Variants in PIP5K1C observed in about 807,000 individuals in gnomAD.
PIP5K1C encodes phosphatidylinositol-4-phosphate 5-kinase type 1 gamma, also known as phosphatidylinositol 4-phosphate 5-kinase type-1 gamma.
In PIP5K1C, 45 loss-of-function variants were observed where a neutral mutation model predicts 80.1. The ratio of observed to expected loss-of-function variants is 0.56; its 90% CI spans 0.44 to 0.72. The LOEUF is 0.72. Among genes scored for constraint, PIP5K1C ranks in the 30% least tolerant of loss-of-function variants. The probability of loss-of-function intolerance (pLI) is 0.00; values close to 1 mark genes in which losing one functional copy is unlikely to be tolerated. For missense variants in PIP5K1C, 753 were observed against 954.6 expected (o/e 0.79, Z 2.78); for synonymous variants, 498 against 420.1 (o/e 1.19, Z -2.27).
intron 1 of PIP5K1C, among the ~76,000 whole-genome samples, chr19:3,697,431 C>T (rs1049860362): frequency 9.3e-5 from 14 of 150,280 alleles, no homozygotes; most frequent in Non-Finnish European, 1.9e-4. Context: ...CGGAGGAGGA[C>T]CGAGCTGTAC....
At position 3,688,091 on chromosome 19, in the gene PIP5K1C, G is replaced by A. The variant is rs1428018904; in HGVS notation, c.94+12206C>T. 3.3e-5 allele frequency among the ~76,000 whole-genome samples: 5 copies of A among 152,152 alleles called. No homozygotes were observed. Among genetic ancestry groups the A allele is most frequent in the Admixed American group, 6.5e-5 (1 of 15,288 alleles). On this transcript the variant is annotated intron_variant, in intron 1 of 17. Coordinates refer to ENST00000335312, the MANE Select transcript of PIP5K1C (RefSeq NM_012398.3). The surrounding 1 kb of genome is among the most constrained non-coding windows in gnomAD (Gnocchi z 5.3). ...ACACGCCAGCCCCTGGGGGAAGCCC[G>A]GCCCGTGCGGGCTGCGGGAGATCCT...
intron 13 of PIP5K1C, 39 bp downstream of exon 13, chr19:3,643,204 G>T (rs369900954): frequency 3.1e-6 from 5 of 1,609,192 alleles, no homozygotes; most frequent in African/African-American, 1.3e-5. Flanking sequence ...CACGCACAGC[G>T]GATGCCCCGC....
chr19:3,682,136 G>A (rs1176481358), intron 1 of PIP5K1C, among the ~76,000 whole-genome samples: 1 of 152,096 alleles, frequency 6.6e-6, no homozygotes, highest in Non-Finnish European at 1.5e-5. Context: ...CACTTTGGGA[G>A]GCTGAGGCGG....
intron 1 of PIP5K1C, among the ~76,000 whole-genome samples, chr19:3,680,120 G>C (rs1370451640): frequency 6.6e-6 from 1 of 152,214 alleles, no homozygotes; most frequent in Non-Finnish European, 1.5e-5. Flanking sequence ...TTACCCTGAA[G>C]ATGCACTCTC....
At chr19:3,661,607 C>T (rs911660420) in intron 4 of PIP5K1C, among the ~76,000 whole-genome samples, 5 of 152,278 alleles carry the variant, frequency 3.3e-5, no homozygotes, top group African/African-American at 7.2e-5. Flanking sequence ...ACCAGCCCTG[C>T]ACTGCCCACT....
intron 1 of PIP5K1C, among the ~76,000 whole-genome samples, chr19:3,697,191 G>A (rs2036143987): frequency 1.3e-5 from 2 of 151,632 alleles, no homozygotes; most frequent in African/African-American, 2.4e-5. Context: ...GGACTGGGGA[G>A]GACTGAGCCG....
At chr19:3,680,317 T>C (rs908855044) in intron 1 of PIP5K1C, among the ~76,000 whole-genome samples, 2 of 152,356 alleles carry the variant, frequency 1.3e-5, no homozygotes, top group Middle Eastern at 3.4e-3. Flanking sequence ...TTTTCTTTTT[T>C]CTTTTGAGAC....
At position 3,659,124 on chromosome 19, in the gene PIP5K1C, C is replaced by T. The variant is rs368436477; in HGVS notation, c.468+1842G>A. On this transcript the variant is annotated intron_variant, in intron 5 of 17. Transcript: ENST00000335312. ...CTCAGCTGTCCAATCAGAGAAGCAC[C>T]GGCAACCTCGAGTCCCCTCCGAACC... Among the ~76,000 whole-genome samples, 7 of 152,178 alleles carry T rather than the reference C, an allele frequency of 4.6e-5. No homozygotes were observed. The South Asian group carries it at 6.2e-4, about 13-fold the overall frequency.
chr19:3,651,708 ACCCACGCATG>A, intron 8 of PIP5K1C, 108 bp downstream of exon 8: 3 of 1,011,550 alleles, frequency 3.0e-6, no homozygotes, highest in Non-Finnish European at 4.6e-6. Context: ...TCTGTCTGTC[ACCCACGCATG>A]CCCTCGCCAG....
chr19:3,638,793 AGGTGTGTGTATGC>A, intron 16 of PIP5K1C, 78 bp downstream of exon 16: 1 of 1,528,234 alleles, frequency 6.5e-7, no homozygotes, highest in Non-Finnish European at 9.0e-7. Context: ...GCCTGTGTGC[AGGTGTGTGTATGC>A]GGTGTGCACA....
At chr19:3,658,685 C>T (rs2034723956) in intron 5 of PIP5K1C, among the ~76,000 whole-genome samples, 1 of 152,186 alleles carries the variant, frequency 6.6e-6, no homozygotes. Context: ...ATCACTGCTG[C>T]CTGTCCACGG....
chr19:3,644,200 A>G lies in PIP5K1C; in HGVS notation c.1397T>C (p.Val466Ala). 1 of 1,612,456 alleles carries G rather than the reference A, an allele frequency of 6.2e-7. No homozygotes were observed. The highest frequency in any genetic ancestry group is 8.5e-7 in the Non-Finnish European group (1 of 1,179,876). ...KKGRGGALLA[V>A]KPLGPTAAFS... Reference sequence around the variant, plus strand: ...GGCAGCGGTGGGCCCCAGCGGTTTCACAGCTAGCAAGGCTCCGCCGCGCCC... The same window carrying G: ...GGCAGCGGTGGGCCCCAGCGGTTTCGCAGCTAGCAAGGCTCCGCCGCGCCC... Residue 466 changes from valine (V) to alanine (A), a missense_variant, in exon 12 of 18, where the codon GTG becomes GCG. Transcript: ENST00000335312.
chr19:3,664,969 A>G (rs1398562243), intron 2 of PIP5K1C, 55 bp from the exon 3 acceptor site: 14 of 1,377,266 alleles, frequency 1.0e-5, no homozygotes, highest in Non-Finnish European at 4.1e-6. Context: ...CCACCGGGAC[A>G]GGGCACGCTC....
chr19:3,686,731 T>TAAAATAAAATA (rs1555729780), intron 1 of PIP5K1C, among the ~76,000 whole-genome samples: 5 of 149,334 alleles, frequency 3.3e-5, no homozygotes, highest in African/African-American at 1.2e-4. Flanking sequence ...AATAAATAAA[T>TAAAATAAAATA]AAATAAAATA....
At position 3,692,671 on chromosome 19, in the gene PIP5K1C, TC is replaced by T. The variant is rs1187425621; in HGVS notation, c.94+7625del. 4.0e-5 allele frequency among the ~76,000 whole-genome samples: 6 copies of T among 151,630 alleles called. No homozygotes were observed. The highest frequency in any genetic ancestry group is 1.5e-4 in the African/African-American group (6 of 41,222). On this transcript the variant is annotated intron_variant, in intron 1 of 17. Transcript: ENST00000335312. The surrounding 1 kb of genome is among the most constrained non-coding windows in gnomAD (Gnocchi z 5.2). ...CGTCCCGCCCTCACCCCATCTGTCC[TC>T]CCCACAGCAGCCACCAGGGGGTGCC...
At position 3,633,455 on chromosome 19, in the gene PIP5K1C, G is replaced by A. The variant is rs765073495; in HGVS notation, c.1986C>T (p.Ser662=). The A allele has an allele frequency of 2.0e-4, 303 of 1,502,026 alleles. No homozygotes were observed. Among genetic ancestry groups the A allele is most frequent in the Non-Finnish European group, 2.5e-4 (279 of 1,122,868 alleles). 93.0% of individuals were successfully genotyped at this position (1,502,026 alleles called of 1,614,324 possible). The stretch of plus-strand genomic sequence containing the variant: ...CACTTACTGTGTCGCTCTCGCCGTC[G>A]GAGGCCGGGGGGGCCTGGGCGCTAT... ...LHYSAQAPPA[S]DGESDT The change falls in exon 17 of 18, where the codon TCC becomes TCT. Residue 662 remains serine, a synonymous_variant. Coordinates refer to ENST00000335312, the MANE Select transcript of PIP5K1C (RefSeq NM_012398.3).
Position 3,668,840 on chromosome 19 carries a change from C to T in PIP5K1C, c.95-1487G>A, listed in dbSNP as rs1477274427. 5.9e-5 allele frequency among the ~76,000 whole-genome samples: 9 copies of T among 152,256 alleles called. No homozygotes were observed. In the South Asian group the frequency reaches 1.7e-3, roughly 28 times the overall value. On this transcript the variant is annotated intron_variant, in intron 1 of 17. Transcript: ENST00000335312. ...TGCCGAACAAGGATGCCGTGGGAGCCGGAGGGAGTTCCAGGCGGAGGGAAC... is the reference window on the plus strand; with the variant it reads ...TGCCGAACAAGGATGCCGTGGGAGCTGGAGGGAGTTCCAGGCGGAGGGAAC...
chr19:3,638,778 C>A (rs1470665109), intron 16 of PIP5K1C, 106 bp downstream of exon 16: 2 of 1,460,702 alleles, frequency 1.4e-6, no homozygotes, highest in Non-Finnish European at 1.9e-6. Context: ...AGGGCACACT[C>A]ACGTGCCTGT....
At chr19:3,647,280 G>A (rs1439084788) in intron 10 of PIP5K1C, 58 bp downstream of exon 10, 1 of 1,438,272 alleles carries the variant, frequency 7.0e-7, no homozygotes, top group Non-Finnish European at 9.6e-7. Flanking sequence ...GAGGGTGCAG[G>A]CACTCACAGG....
Sources: allele counts gnomAD v4.1 joint callset (sites outside exome capture counted in the v4.1 genomes callset), GRCh38; gene constraint gnomAD v4.1.1; non-coding constraint Gnocchi (gnomAD v3.1); transcripts MANE v1.5; gene names NCBI Gene and HGNC (gene_info 2026-07-23, HGNC 2026-07-21).